Variants in ANKRD16 observed in about 807,000 individuals in gnomAD.
ANKRD16 encodes the protein ankyrin repeat domain 16, also known as ankyrin repeat domain-containing protein 16.
ANKRD16 carries 35 observed loss-of-function variants against 37.9 expected under a neutral mutation model. The observed-to-expected ratio is 0.92, with a 90% confidence interval of 0.71 to 1.23. The LOEUF is 1.23. Among genes scored for constraint, ANKRD16 ranks in the 50% most tolerant of loss-of-function variants. The probability of loss-of-function intolerance (pLI) is 0.00; values close to 1 mark genes in which losing one functional copy is unlikely to be tolerated. For synonymous variants in ANKRD16, 206 were observed against 197.2 expected (o/e 1.04, Z -0.37); for missense variants, 480 against 469.9 (o/e 1.02, Z -0.20).
chr10:5,862,703 G>C lies in ANKRD16; in HGVS notation c.*34-12C>G, dbSNP rs1391061183. On this transcript the variant is annotated splice_polypyrimidine_tract_variant and intron_variant, in intron 7 of 7. Coordinates refer to ENST00000380094, the MANE Select transcript of ANKRD16 (RefSeq NM_019046.3). The surrounding 1 kb of genome is among the most constrained non-coding windows in gnomAD (Gnocchi z 6.5). ...GGCTCCCAGCAACTCTGTGAAGAAAGAGTTATTATCATCTCAGTTTACAGA... is the reference window on the plus strand; with the variant it reads ...GGCTCCCAGCAACTCTGTGAAGAAACAGTTATTATCATCTCAGTTTACAGA... 1.4e-5 allele frequency: 18 copies of C among 1,288,450 alleles called. No homozygotes were observed. The highest frequency in any genetic ancestry group is 9.2e-5 in the Admixed American group (4 of 43,528). The allele number at this position is 1,288,450 out of a possible 1,614,324, so 79.8% of individuals were successfully genotyped here. A position where few individuals can be genotyped will look rare whatever the true frequency, so the allele number is the denominator to read the frequency against.
At position 5,863,430 on chromosome 10, in the gene ANKRD16, A is replaced by C. The variant is rs973085167; in HGVS notation, c.*34-739T>G. On this transcript the variant is annotated intron_variant, in intron 7 of 7. Coordinates refer to ENST00000380094, the MANE Select transcript of ANKRD16 (RefSeq NM_019046.3). The surrounding 1 kb of genome is among the most constrained non-coding windows in gnomAD (Gnocchi z 4.7). ...CTAAAGGATTGTAAATGCACCAATC[A>C]GCACTCTGTAAAAATGTACCAATCA... Among the ~76,000 whole-genome samples, 1 of 152,132 alleles carries C rather than the reference A, an allele frequency of 6.6e-6. No individual in the cohort carries two copies. The highest frequency in any genetic ancestry group is 1.5e-5 in the Non-Finnish European group (1 of 68,032).
intron 7 of ANKRD16, among the ~76,000 whole-genome samples, chr10:5,875,052 C>T (rs933634041): frequency 2.0e-5 from 3 of 152,048 alleles, no homozygotes; most frequent in Non-Finnish European, 2.9e-5. Flanking sequence ...GCAAGCAGGA[C>T]GTCACTGGTA....
chr10:5,873,662 T>C (rs626040), intron 7 of ANKRD16, among the ~76,000 whole-genome samples: 125,752 of 152,084 alleles, frequency 0.83, 52,412 homozygotes, highest in Admixed American at 0.87. Flanking sequence ...AGCAACGTCC[T>C]GGGTTAAATT....
At chr10:5,885,856 A>C in intron 2 of ANKRD16, 91 bp from the exon 3 acceptor site, 1 of 1,296,672 alleles carries the variant, frequency 7.7e-7, no homozygotes, top group Non-Finnish European at 1.1e-6. Context: ...GCCCCGTTCT[A>C]TTAGTGATAG....
At position 5,864,006 on chromosome 10, in the gene ANKRD16, AT is replaced by A. The variant is rs1841979614; in HGVS notation, c.*34-1316del. Among the ~76,000 whole-genome samples, 1 of 151,994 alleles carries A rather than the reference AT, an allele frequency of 6.6e-6. No homozygotes were observed. On this transcript the variant is annotated intron_variant, in intron 7 of 7. Transcript: ENST00000380094. The surrounding 1 kb of genome is among the most constrained non-coding windows in gnomAD (Gnocchi z 4.4). ...ACAAACCCTGAAAAAGAGGTGGCTC[AT>A]TTTTTTCTGCACTACAGCCTGGCCC...
chr10:5,887,796 G>T, intron 2 of ANKRD16, 51 bp downstream of exon 2: 1 of 1,560,726 alleles, frequency 6.4e-7, no homozygotes, highest in Non-Finnish European at 8.7e-7. Context: ...GCAGTGCTGG[G>T]TGAAGCAGCC....
In ANKRD16 at chr10:5,864,459, G is replaced by T. The variant is rs555734626; in HGVS notation, c.*34-1768C>A. On this transcript the variant is annotated intron_variant, in intron 7 of 7. Transcript: ENST00000380094. This position sits in a 1 kb window ranked among gnomAD's most constrained non-coding sequence, Gnocchi z 4.4. Reference sequence around the variant, plus strand: ...TTAAAGCAGATCAAGGTAGACCTGGGTAAGTTTTCAGATATATCCTGATAG... The same window carrying T: ...TTAAAGCAGATCAAGGTAGACCTGGTTAAGTTTTCAGATATATCCTGATAG... 2.0e-5 allele frequency among the ~76,000 whole-genome samples: 3 copies of T among 152,088 alleles called. No homozygotes were observed. Among genetic ancestry groups the T allele is most frequent in the African/African-American group, 7.3e-5 (3 of 41,372 alleles).
In ANKRD16 at chr10:5,864,109, T is replaced by C. The variant is rs1841981257; in HGVS notation, c.*34-1418A>G. Reference sequence around the variant, plus strand: ...TACAATACTATCCTGCAGCTTGACCTTTTCTGTAAGGGAGAAGGCAAATGG... The same window carrying C: ...TACAATACTATCCTGCAGCTTGACCCTTTCTGTAAGGGAGAAGGCAAATGG... On this transcript the variant is annotated intron_variant, in intron 7 of 7. Coordinates refer to ENST00000380094, the MANE Select transcript of ANKRD16 (RefSeq NM_019046.3). This position sits in a 1 kb window ranked among gnomAD's most constrained non-coding sequence, Gnocchi z 4.4. Among the ~76,000 whole-genome samples the C allele has an allele frequency of 6.6e-6, 1 of 152,132 alleles. No homozygotes were observed. Among genetic ancestry groups the C allele is most frequent in the African/African-American group, 2.4e-5 (1 of 41,402 alleles).
rs531264426 is a variant in ANKRD16 at position 5,870,411 on chromosome 10, T to G, written c.*33+7686A>C. On this transcript the variant is annotated intron_variant, in intron 7 of 7. Coordinates refer to ENST00000380094, the MANE Select transcript of ANKRD16 (RefSeq NM_019046.3). The surrounding 1 kb of genome is among the most constrained non-coding windows in gnomAD (Gnocchi z 5.0). ...CTCATTCCCTCCCTACTGCTTTTTT[T>G]TTTTTTTTTTGAAACAGGGTTTTGC... is the stretch of plus-strand genomic sequence containing the variant. Among the ~76,000 whole-genome samples, 29 of 151,950 alleles carry G rather than the reference T, an allele frequency of 1.9e-4. No homozygotes were observed. Among genetic ancestry groups the G allele is most frequent in the Non-Finnish European group, 2.7e-4 (18 of 67,910 alleles).
At chr10:5,881,593 T>A (rs899789194) in intron 5 of ANKRD16, among the ~76,000 whole-genome samples, 1 of 149,778 alleles carries the variant, frequency 6.7e-6, no homozygotes, top group African/African-American at 2.4e-5. Flanking sequence ...GCCTCCTGAG[T>A]AGCTGGGACT....
chr10:5,862,301 A>T lies in ANKRD16; in HGVS notation c.*424T>A. 2.5e-6 allele frequency: 1 copy of T among 395,600 alleles called. No individual in the cohort carries two copies. The highest frequency in any genetic ancestry group is 1.9e-5 in the South Asian group (1 of 52,912). 24.5% of individuals were successfully genotyped at this position (395,600 alleles called of 1,614,324 possible). On this transcript the variant is annotated 3_prime_UTR_variant, in exon 8 of 8. Coordinates refer to ENST00000380094, the MANE Select transcript of ANKRD16 (RefSeq NM_019046.3). The surrounding 1 kb of genome is among the most constrained non-coding windows in gnomAD (Gnocchi z 6.5). ...CAATCTCATCAGAAGTGGTGCTACCACTGTGTTTCATGTTTTTGTGTTTCT... is the reference window on the plus strand; with the variant it reads ...CAATCTCATCAGAAGTGGTGCTACCTCTGTGTTTCATGTTTTTGTGTTTCT...
At position 5,862,551 on chromosome 10, in the gene ANKRD16, C is replaced by A; in HGVS notation, c.*174G>T. On this transcript the variant is annotated 3_prime_UTR_variant, in exon 8 of 8. Transcript: ENST00000380094. The surrounding 1 kb of genome is among the most constrained non-coding windows in gnomAD (Gnocchi z 6.5). ...GGCACTGACTTCACCACTGGTACAC[C>A]TCAGATATACAACTTTGATCTCGCT... The A allele has an allele frequency of 8.0e-7, 1 of 1,250,744 alleles. No individual in the cohort carries two copies. Among genetic ancestry groups the A allele is most frequent in the Non-Finnish European group, 1.0e-6 (1 of 955,344 alleles). 77.5% of individuals were successfully genotyped at this position (1,250,744 alleles called of 1,614,324 possible). A position where few individuals can be genotyped will look rare whatever the true frequency, so the allele number is the denominator to read the frequency against.
At chr10:5,875,858 G>A (rs561910581) in intron 7 of ANKRD16, among the ~76,000 whole-genome samples, 16 of 151,876 alleles carry the variant, frequency 1.1e-4, no homozygotes, top group Admixed American at 6.6e-4. Flanking sequence ...GATTACAGGC[G>A]CCTGCCACCA....
intron 7 of ANKRD16, among the ~76,000 whole-genome samples, chr10:5,873,891 C>T (rs1842144158): frequency 7.0e-6 from 1 of 143,704 alleles, no homozygotes; most frequent in South Asian, 2.4e-4. Flanking sequence ...CTCTTTTCAG[C>T]GACTTCTGCT....
At chr10:5,884,165 T>A in intron 3 of ANKRD16, 88 bp from the exon 4 acceptor site, 4 of 959,504 alleles carry the variant, frequency 4.2e-6, no homozygotes, top group Non-Finnish European at 6.5e-6. Flanking sequence ...GCAGGTGAAC[T>A]GCGTGTGTGC....
Position 5,863,630 on chromosome 10 carries a change from C to T in ANKRD16, c.*34-939G>A, listed in dbSNP as rs1165188465. 1.3e-5 allele frequency among the ~76,000 whole-genome samples: 2 copies of T among 152,046 alleles called. No individual in the cohort carries two copies. Among genetic ancestry groups the T allele is most frequent in the Non-Finnish European group, 2.9e-5 (2 of 68,020 alleles). ...CAACCCACTTGGGTCCCCTTCCACA[C>T]TGTGGAAGCTTTGTTCTTTTGTTCT... On this transcript the variant is annotated intron_variant, in intron 7 of 7. Coordinates refer to ENST00000380094, the MANE Select transcript of ANKRD16 (RefSeq NM_019046.3). This position sits in a 1 kb window ranked among gnomAD's most constrained non-coding sequence, Gnocchi z 4.7.
Position 5,880,303 on chromosome 10 carries a change from C to G in ANKRD16, c.923G>C (p.Arg308Pro), listed in dbSNP as rs942443378. ...ADINSKDEKN[R>P]SALHLACAGQ... ...TATATAAAATTAAACGGTACCTGAT[C>G]GATTTTTTTCATCTTTAGAATTGAT... is the stretch of plus-strand genomic sequence containing the variant. Residue 308 changes from arginine to proline, a missense_variant, in exon 6 of 8, where the codon CGA becomes CCA. Transcript: ENST00000380094. 6.3e-7 allele frequency: 1 copy of G among 1,587,608 alleles called. No homozygotes were observed. The highest frequency in any genetic ancestry group is 2.3e-5 in the East Asian group (1 of 43,844).
Position 5,864,588 on chromosome 10 carries a change from G to A in ANKRD16, c.*34-1897C>T, listed in dbSNP as rs928447692. ...CCTGGCCTTTAATGAAAAGAATGCG[G>A]CTTTAGCTGCAGCCCGAGAGTTTGG... On this transcript the variant is annotated intron_variant, in intron 7 of 7. Coordinates refer to ENST00000380094, the MANE Select transcript of ANKRD16 (RefSeq NM_019046.3). This position sits in a 1 kb window ranked among gnomAD's most constrained non-coding sequence, Gnocchi z 4.4. 3.9e-5 allele frequency among the ~76,000 whole-genome samples: 6 copies of A among 152,092 alleles called. No individual in the cohort carries two copies. The highest frequency in any genetic ancestry group is 1.5e-4 in the African/African-American group (6 of 41,364).
In ANKRD16 at chr10:5,863,768, C is replaced by T. The variant is rs537661826; in HGVS notation, c.*34-1077G>A. Among the ~76,000 whole-genome samples the T allele has an allele frequency of 6.6e-6, 1 of 152,236 alleles. No individual in the cohort carries two copies. Among genetic ancestry groups the T allele is most frequent in the African/African-American group, 2.4e-5 (1 of 41,498 alleles). On this transcript the variant is annotated intron_variant, in intron 7 of 7. Transcript: ENST00000380094. The surrounding 1 kb of genome is among the most constrained non-coding windows in gnomAD (Gnocchi z 4.7). ...TCCTGAAGTCAGCAAGACCACAAAC[C>T]CACTGGGAAGAACAAACAACTCTGG...
Sources: gnomAD v4.1 joint callset for allele counts (sites outside exome capture counted in the v4.1 genomes callset) on GRCh38, gnomAD v4.1.1 for gene constraint, Gnocchi (gnomAD v3.1) non-coding constraint, MANE v1.5 for transcripts, NCBI Gene and HGNC (gene_info 2026-07-23, HGNC 2026-07-21) for gene names.